The following FAM83F variants were observed in gnomAD, a reference collection of about 807,000 sequenced individuals.
FAM83F encodes scaffolding CK1 anchoring protein F.
A neutral mutation model predicts 42.9 loss-of-function variants in FAM83F; 45 were observed. The ratio of observed to expected loss-of-function variants is 1.05; its 90% CI spans 0.83 to 1.35. FAM83F has a LOEUF of 1.35. Ranked by LOEUF, FAM83F falls within the 40% of genes most tolerant of loss-of-function variation. FAM83F has a pLI of 0.00. For synonymous variants in FAM83F, 306 were observed against 298.3 expected (o/e 1.03, Z -0.27); for missense variants, 617 against 695.9 (o/e 0.89, Z 1.28).
chr22:39,995,370 G>A lies in FAM83F; in HGVS notation c.328G>A (p.Asp110Asn), dbSNP rs1318487480. 1 of 1,545,092 alleles carries A rather than the reference G, an allele frequency of 6.5e-7. No individual in the cohort carries two copies. Among genetic ancestry groups the A allele is most frequent in the South Asian group, 1.2e-5 (1 of 84,046 alleles). The change falls in exon 1 of 5, where the codon GAC (aspartate) becomes AAC (asparagine). Residue 110 changes from aspartate (D) to asparagine (N), a missense_variant. Transcript: ENST00000333407. The surrounding 1 kb of genome is among the most constrained non-coding windows in gnomAD (Gnocchi z 4.6). ...CGGCGAGTCCCTGGCCTACTGGCCC[G>A]ACCGTTCCGACACCGAGGTGCCTCC... ...ESGESLAYWP[D>N]RSDTEVPPLD...
At chr22:40,001,852 C>T (rs764484498) in intron 1 of FAM83F, among the ~76,000 whole-genome samples, 19 of 152,116 alleles carry the variant, frequency 1.2e-4, no homozygotes, top group Non-Finnish European at 2.6e-4. Context: ...GGAGCCCCAC[C>T]CAGGAGATTA....
chr22:40,016,425 C>G (rs558582290), intron 1 of FAM83F, among the ~76,000 whole-genome samples: 1 of 152,058 alleles, frequency 6.6e-6, no homozygotes, highest in East Asian at 1.9e-4. Flanking sequence ...TCTGAAACTC[C>G]TGAGCTCAAG....
chr22:40,015,808 C>T (rs2067489660), intron 1 of FAM83F, among the ~76,000 whole-genome samples: 1 of 152,222 alleles, frequency 6.6e-6, no homozygotes, highest in Admixed American at 6.5e-5. Flanking sequence ...GCATTTATCT[C>T]ATTTATCTCA....
rs965917502 is a variant in FAM83F at position 40,031,413 on chromosome 22, G to A, written c.*1848G>A. On this transcript the variant is annotated 3_prime_UTR_variant, in exon 5 of 5. Coordinates refer to ENST00000333407, the MANE Select transcript of FAM83F (RefSeq NM_138435.4). ...AGGGAGGCAGCCTGGGGAAGGGACC[G>A]GCCTCCAAGCAAGTCAGCCAAGGGC... 4 of 152,238 alleles carry A rather than the reference G, an allele frequency of 2.6e-5. No individual in the cohort carries two copies. Among genetic ancestry groups the A allele is most frequent in the African/African-American group, 7.2e-5 (3 of 41,400 alleles). 9.4% of individuals were successfully genotyped at this position (152,238 alleles called of 1,614,324 possible). A position where few individuals can be genotyped will look rare whatever the true frequency, so the allele number is the denominator to read the frequency against.
chr22:39,997,701 G>C (rs957530092), intron 1 of FAM83F, among the ~76,000 whole-genome samples: 1 of 152,232 alleles, frequency 6.6e-6, no homozygotes, highest in Non-Finnish European at 1.5e-5. Context: ...AAAGCAAGGA[G>C]GTTTGATTGG....
chr22:40,014,087 T>A (rs2067481395), intron 1 of FAM83F, among the ~76,000 whole-genome samples: 1 of 151,382 alleles, frequency 6.6e-6, no homozygotes, highest in African/African-American at 2.4e-5. Flanking sequence ...TCTTAAATAC[T>A]GGTAGTTTTG....
At chr22:40,026,345 C>A (rs1374700782) in intron 4 of FAM83F, among the ~76,000 whole-genome samples, 1 of 152,090 alleles carries the variant, frequency 6.6e-6, no homozygotes, top group Non-Finnish European at 1.5e-5. Flanking sequence ...ACGGTGAAAT[C>A]CTGTCTCTAC....
chr22:40,041,740 T>G lies in FAM83F; in HGVS notation c.*12175T>G, dbSNP rs2067651163. The G allele has an allele frequency of 6.6e-6, 1 of 152,250 alleles. No homozygotes were observed. Among genetic ancestry groups the G allele is most frequent in the Non-Finnish European group, 1.5e-5 (1 of 68,046 alleles). The allele number at this position is 152,250 out of a possible 1,614,324, so 9.4% of individuals were successfully genotyped here. ...TTGTGGGTCTGTTCATAAAAGAGTCTGGGAAGATAGTCTCCTTAACAGTGT... is the reference window on the plus strand; with the variant it reads ...TTGTGGGTCTGTTCATAAAAGAGTCGGGGAAGATAGTCTCCTTAACAGTGT... On this transcript the variant is annotated 3_prime_UTR_variant, in exon 5 of 5. Transcript: ENST00000333407.
intron 1 of FAM83F, among the ~76,000 whole-genome samples, chr22:39,998,428 G>A (rs1011065091): frequency 4.6e-5 from 7 of 151,954 alleles, no homozygotes; most frequent in East Asian, 1.9e-4. Flanking sequence ...TGGCTGCCGT[G>A]CCTACAGTCA....
chr22:40,015,162 C>A (rs773928027), intron 1 of FAM83F, among the ~76,000 whole-genome samples: 10 of 152,038 alleles, frequency 6.6e-5, no homozygotes, highest in Non-Finnish European at 1.5e-4. Flanking sequence ...AATGGAGATG[C>A]GAGGCCAAAG....
At position 40,020,462 on chromosome 22, in the gene FAM83F, A is replaced by G. The variant is rs1430455981; in HGVS notation, c.779+454A>G. On this transcript the variant is annotated intron_variant, in intron 3 of 4. Transcript: ENST00000333407. ...ACTGCAACCTCTGCCTCCCGGATTC[A>G]AGCGATTCTCCTGCCTCAGCCTCCC... Among the ~76,000 whole-genome samples the G allele has an allele frequency of 1.0e-4, 15 of 148,494 alleles. 1 individual carries two copies. Among genetic ancestry groups the G allele is most frequent in the Admixed American group, 9.6e-4 (14 of 14,534 alleles).
intron 1 of FAM83F, among the ~76,000 whole-genome samples, chr22:40,013,841 G>C (rs1434210533): frequency 6.6e-6 from 1 of 151,868 alleles, no homozygotes; most frequent in East Asian, 1.9e-4. Flanking sequence ...CTTCCTGAAG[G>C]TATTTATTTC....
At chr22:39,996,273 G>C (rs1348867613) in intron 1 of FAM83F, among the ~76,000 whole-genome samples, 3 of 152,190 alleles carry the variant, frequency 2.0e-5, no homozygotes, top group African/African-American at 7.2e-5. Context: ...CCAGTCCACT[G>C]TGGAACAGGT....
At chr22:40,027,558 T>C (rs2067561095) in intron 4 of FAM83F, among the ~76,000 whole-genome samples, 1 of 152,228 alleles carries the variant, frequency 6.6e-6, no homozygotes, top group South Asian at 2.1e-4. Flanking sequence ...TTATACACCT[T>C]CCCTGTTCAC....
At chr22:40,027,168 C>G (rs2067558078) in intron 4 of FAM83F, among the ~76,000 whole-genome samples, 1 of 152,112 alleles carries the variant, frequency 6.6e-6, no homozygotes, top group African/African-American at 2.4e-5. Flanking sequence ...GAAGGCCTCT[C>G]TAACCAAGGA....
Position 40,019,251 on chromosome 22 carries a change from A to T in FAM83F, c.573A>T (p.Pro191=). The T allele has an allele frequency of 6.2e-7, 1 of 1,614,172 alleles. No homozygotes were observed. The highest frequency in any genetic ancestry group is 8.5e-7 in the Non-Finnish European group (1 of 1,180,032). Residue 191 remains proline (P), a synonymous_variant, in exon 2 of 5, where the codon CCA becomes CCT. Coordinates refer to ENST00000333407, the MANE Select transcript of FAM83F (RefSeq NM_138435.4). ...IVDAACKRRV[P]VYIILDEAGV... ...ATGCTGCCTGTAAGCGCCGGGTCCC[A>T]GTGTACATCATCCTGGACGAGGCAG... is the stretch of plus-strand genomic sequence containing the variant.
chr22:40,026,727 A>G lies in FAM83F; in HGVS notation c.1454-2789A>G, dbSNP rs919984381. Among the ~76,000 whole-genome samples, 4 of 152,040 alleles carry G rather than the reference A, an allele frequency of 2.6e-5. 1 individual carries two copies. The highest frequency in any genetic ancestry group is 2.6e-4 in the Admixed American group (4 of 15,260). On this transcript the variant is annotated intron_variant, in intron 4 of 4. Transcript: ENST00000333407. ...TTTCTCTGAGGTGACCTGCAGTGAC[A>G]GTCCCTTTCCAGAACTCTCCTGGGG... is the stretch of plus-strand genomic sequence containing the variant.
Position 39,995,666 on chromosome 22 carries a change from C to A in FAM83F, c.489+135C>A. On this transcript the variant is annotated intron_variant, in intron 1 of 4. Transcript: ENST00000333407. This position sits in a 1 kb window ranked among gnomAD's most constrained non-coding sequence, Gnocchi z 4.6. ...GAAAATGGGCCCCAACCCGCCCCTA[C>A]TTCCTGGGGCTGCAGTGAGGCCTGT... 7.4e-7 allele frequency: 1 copy of A among 1,360,080 alleles called. No homozygotes were observed. Among genetic ancestry groups the A allele is most frequent in the South Asian group, 1.5e-5 (1 of 65,648 alleles). 84.3% of individuals were successfully genotyped at this position (1,360,080 alleles called of 1,614,324 possible). A position where few individuals can be genotyped will look rare whatever the true frequency, so the allele number is the denominator to read the frequency against.
intron 1 of FAM83F, among the ~76,000 whole-genome samples, chr22:40,007,248 C>G (rs955815322): frequency 2.4e-5 from 3 of 123,748 alleles, no homozygotes. Flanking sequence ...CCCTCCTCCT[C>G]TCCTCCTCCT....
Sources: allele counts gnomAD v4.1 joint callset (sites outside exome capture counted in the v4.1 genomes callset), GRCh38; gene constraint gnomAD v4.1.1; non-coding constraint Gnocchi (gnomAD v3.1); transcripts MANE v1.5; gene names NCBI Gene and HGNC (gene_info 2026-07-23, HGNC 2026-07-21).